HTR3B: variants seen among roughly 807,000 people sequenced by gnomAD.
The protein encoded by HTR3B is 5-hydroxytryptamine (serotonin) receptor 3B, ionotropic.
Under a neutral mutation model 42.8 loss-of-function variants are expected in HTR3B, and 44 were observed. The ratio of observed to expected loss-of-function variants is 1.03; its 90% CI spans 0.81 to 1.32. The LOEUF is 1.32. HTR3B is among the 40% of genes most tolerant of loss of function. The pLI is 0.00. For missense variants in HTR3B, 527 were observed against 536.5 expected (o/e 0.98, Z 0.17); for synonymous variants, 203 against 209.0 (o/e 0.97, Z 0.25).
chr11:113,925,999 C>G (rs1413382910), intron 2 of HTR3B, among the ~76,000 whole-genome samples: 1 of 152,078 alleles, frequency 6.6e-6, no homozygotes, highest in Non-Finnish European at 1.5e-5. Flanking sequence ...AAAAGAAGCC[C>G]TATATCCATT....
chr11:113,914,556 C>T (rs998783562), intron 2 of HTR3B, among the ~76,000 whole-genome samples: 1 of 151,934 alleles, frequency 6.6e-6, no homozygotes, highest in African/African-American at 2.4e-5. Context: ...AATCTCACCT[C>T]ACTGCAACCT....
chr11:113,916,036 C>G (rs951877084), intron 2 of HTR3B, among the ~76,000 whole-genome samples: 1 of 152,114 alleles, frequency 6.6e-6, no homozygotes, highest in South Asian at 2.1e-4. Context: ...ATGGTTTCGC[C>G]GTGTTGGCCA....
At chr11:113,904,780 T>C (rs1362308666), upstream of HTR3B, 3 of 636,324 alleles carry the variant, frequency 4.7e-6, no homozygotes, top group East Asian at 2.7e-5. Context: ...TTGGTCCCAC[T>C]GAGTGTTTAC....
At chr11:113,902,863 TTG>T (rs756975300), upstream of HTR3B, among the ~76,000 whole-genome samples, 3 of 151,988 alleles carry the variant, frequency 2.0e-5, no homozygotes, top group African/African-American at 4.8e-5. Flanking sequence ...CTTGGCACTT[TTG>T]TGTGTGTGTG....
At chr11:113,942,765 T>G (rs1188290493) in intron 6 of HTR3B, among the ~76,000 whole-genome samples, 2 of 152,206 alleles carry the variant, frequency 1.3e-5, no homozygotes, top group Non-Finnish European at 2.9e-5. Context: ...TCACTATTAA[T>G]AATATTAATA....
chr11:113,928,357 A>G (rs1223315115), intron 2 of HTR3B, among the ~76,000 whole-genome samples: 1 of 152,126 alleles, frequency 6.6e-6, no homozygotes, highest in African/African-American at 2.4e-5. Flanking sequence ...TTACCCATTC[A>G]ACGATAACTT....
rs968275562 is a variant in HTR3B, at chr11:113,947,300, G to C, written c.*1163G>C. 3.3e-5 allele frequency among the ~76,000 whole-genome samples: 5 copies of C among 152,066 alleles called. No homozygotes were observed. Among genetic ancestry groups the C allele is most frequent in the African/African-American group, 9.7e-5 (4 of 41,418 alleles). On this transcript the variant is annotated 3_prime_UTR_variant, in exon 9 of 9. Coordinates refer to ENST00000260191, the MANE Select transcript of HTR3B (RefSeq NM_006028.5). ...CTGTATTTTAGTAGCAGGTGCCAAG[G>C]CTTCTAAGCCCAGTCTAGCACATCA...
chr11:113,943,003 C>G lies in HTR3B; in HGVS notation c.718C>G (p.Leu240Val). The change falls in exon 7 of 9, where the codon CTG becomes GTG. Residue 240 changes from leucine to valine, a missense_variant. Physicochemically the swap from Leu to Val is conservative, Grantham distance 32. Transcript: ENST00000260191. ...CCAGGTGGTGATGCGCAGGCACCCC[C>G]TGGTCTATGTCGTGAGTCTGCTGAT... ...QFNVVMRRHP[L>V]VYVVSLLIPS... 1 of 1,614,108 alleles carries G rather than the reference C, an allele frequency of 6.2e-7. No homozygotes were observed.
chr11:113,900,241 G>C (rs549740927), upstream of HTR3B, among the ~76,000 whole-genome samples: 3 of 152,138 alleles, frequency 2.0e-5, no homozygotes, highest in African/African-American at 7.2e-5. Flanking sequence ...CTGGAAAACA[G>C]TGCAAGACTC....
intron 6 of HTR3B, among the ~76,000 whole-genome samples, chr11:113,933,706 G>C (rs182672591): frequency 2.6e-5 from 4 of 152,082 alleles, no homozygotes; most frequent in Non-Finnish European, 5.9e-5. Flanking sequence ...AAATTTGTCC[G>C]GCATGAAACT....
upstream of HTR3B, among the ~76,000 whole-genome samples, chr11:113,900,383 T>C (rs1949689592): frequency 6.6e-6 from 1 of 152,328 alleles, no homozygotes; most frequent in East Asian, 1.9e-4. Flanking sequence ...GGATGATGTC[T>C]GGGGAATTAG....
chr11:113,944,774 G>A lies in HTR3B; in HGVS notation c.1090+19G>A. On this transcript the variant is annotated intron_variant, in intron 8 of 8. Coordinates refer to ENST00000260191, the MANE Select transcript of HTR3B (RefSeq NM_006028.5). ...GTAACAGGTGTGTGAGAAGCCTTGTGTTTCTCCCCCGTCTGGATTGATCAC... is the reference window on the plus strand; with the variant it reads ...GTAACAGGTGTGTGAGAAGCCTTGTATTTCTCCCCCGTCTGGATTGATCAC... 1 of 1,609,980 alleles carries A rather than the reference G, an allele frequency of 6.2e-7. No individual in the cohort carries two copies. The highest frequency in any genetic ancestry group is 8.5e-7 in the Non-Finnish European group (1 of 1,176,876).
At chr11:113,940,738 C>G (rs550245175) in intron 6 of HTR3B, among the ~76,000 whole-genome samples, 2 of 152,358 alleles carry the variant, frequency 1.3e-5, no homozygotes, top group East Asian at 3.9e-4. Context: ...CCACTCTTAT[C>G]AGCAAGGTGA....
At chr11:113,935,235 A>G (rs954029775) in intron 6 of HTR3B, among the ~76,000 whole-genome samples, 2 of 152,166 alleles carry the variant, frequency 1.3e-5, no homozygotes, top group Admixed American at 1.3e-4. Flanking sequence ...CCTGGATCTC[A>G]GAGCCATGGT....
chr11:113,905,461 A>G (rs940214465), intron 1 of HTR3B, among the ~76,000 whole-genome samples: 3 of 152,212 alleles, frequency 2.0e-5, no homozygotes, highest in Non-Finnish European at 4.4e-5. Flanking sequence ...TTGGTATTAG[A>G]GGCCTTAACA....
chr11:113,903,832 C>A (rs1320298082), upstream of HTR3B, among the ~76,000 whole-genome samples: 2 of 152,178 alleles, frequency 1.3e-5, no homozygotes, highest in Non-Finnish European at 2.9e-5. Context: ...AGTTTTCTCT[C>A]TTTCTGTGTA....
At chr11:113,904,042 A>T (rs1191431372), upstream of HTR3B, among the ~76,000 whole-genome samples, 2 of 152,192 alleles carry the variant, frequency 1.3e-5, no homozygotes, top group Non-Finnish European at 2.9e-5. Context: ...CATTTTTAAT[A>T]AAAAAGCAGG....
chr11:113,943,997 A>G (rs888314057), intron 7 of HTR3B, among the ~76,000 whole-genome samples: 3 of 151,348 alleles, frequency 2.0e-5, no homozygotes, highest in Admixed American at 6.6e-5. Context: ...GTTCAAGACA[A>G]CATAGTGAGG....
chr11:113,929,726 T>C (rs984944121), intron 2 of HTR3B, among the ~76,000 whole-genome samples: 6 of 151,932 alleles, frequency 3.9e-5, no homozygotes, highest in African/African-American at 1.5e-4. Context: ...CTCTCACCCA[T>C]TTTTATTTTT....
Sources: allele counts gnomAD v4.1 joint callset (sites outside exome capture counted in the v4.1 genomes callset), GRCh38; gene constraint gnomAD v4.1.1; transcripts MANE v1.5; gene names NCBI Gene and HGNC (gene_info 2026-07-23, HGNC 2026-07-21).